The following TNFRSF21 variants were observed in gnomAD, a reference collection of about 807,000 sequenced individuals.
TNFRSF21 encodes the protein tumor necrosis factor receptor superfamily member 21.
Under a neutral mutation model 45.6 loss-of-function variants are expected in TNFRSF21, and 19 were observed. The ratio of observed to expected loss-of-function variants is 0.42; its 90% confidence interval spans 0.29 to 0.61. TNFRSF21 has a LOEUF of 0.61. Among genes scored for constraint, TNFRSF21 ranks in the 20% least tolerant of loss-of-function variants. TNFRSF21 has a pLI of 0.23. For missense variants in TNFRSF21, 737 were observed against 851.5 expected (o/e 0.87, Z 1.67); for synonymous variants, 314 against 335.5 (o/e 0.94, Z 0.70).
intron 1 of TNFRSF21, among the ~76,000 whole-genome samples, chr6:47,287,334 A>G (rs1012833843): frequency 2.1e-5 from 3 of 145,462 alleles, no homozygotes; most frequent in Non-Finnish European, 3.0e-5. Flanking sequence ...AAAAAAAAAA[A>G]GAAAAGAAAA....
At chr6:47,274,614 C>T (rs1421051010) in intron 3 of TNFRSF21, among the ~76,000 whole-genome samples, 1 of 152,120 alleles carries the variant, frequency 6.6e-6, no homozygotes, top group Non-Finnish European at 1.5e-5. Flanking sequence ...AAAGCAATGG[C>T]AACAAAAGCC....
At chr6:47,233,107 T>C (rs1330664716) in intron 5 of TNFRSF21, 113 bp from the exon 6 acceptor site, 5 of 872,072 alleles carry the variant, frequency 5.7e-6, no homozygotes, top group Non-Finnish European at 7.1e-6. Flanking sequence ...CCCCAGCCTA[T>C]TATTCTCCAT....
intron 1 of TNFRSF21, among the ~76,000 whole-genome samples, chr6:47,301,800 C>T (rs1346936344): frequency 6.6e-6 from 1 of 152,198 alleles, no homozygotes; most frequent in Non-Finnish European, 1.5e-5. Flanking sequence ...CTTGTACAGC[C>T]TGCAGAACCA....
intron 2 of TNFRSF21, among the ~76,000 whole-genome samples, chr6:47,285,490 G>A (rs992086839): frequency 2.0e-5 from 3 of 152,042 alleles, no homozygotes; most frequent in African/African-American, 4.8e-5. Flanking sequence ...TCTCGCTTCC[G>A]GATGTAATGG....
intron 2 of TNFRSF21, among the ~76,000 whole-genome samples, chr6:47,284,738 T>C (rs973113879): frequency 7.2e-5 from 11 of 152,210 alleles, no homozygotes; most frequent in African/African-American, 2.4e-4. Context: ...CAGGCACATA[T>C]ATGTGCAGAG....
chr6:47,273,524 T>C (rs1395847876), intron 3 of TNFRSF21, among the ~76,000 whole-genome samples: 1 of 151,984 alleles, frequency 6.6e-6, no homozygotes, highest in East Asian at 1.9e-4. Context: ...AAATAATAAG[T>C]GCTATTGATG....
intron 3 of TNFRSF21, among the ~76,000 whole-genome samples, chr6:47,267,393 C>G (rs981323581): frequency 1.3e-5 from 2 of 152,196 alleles, no homozygotes; most frequent in African/African-American, 4.8e-5. Context: ...AGTCACCGCA[C>G]CTGGCCTCAC....
At chr6:47,238,598 A>G (rs1003962739) in intron 4 of TNFRSF21, among the ~76,000 whole-genome samples, 1 of 152,216 alleles carries the variant, frequency 6.6e-6, no homozygotes, top group Non-Finnish European at 1.5e-5. Context: ...TTCCATGCAA[A>G]CACACTTAGT....
Position 47,284,357 on chromosome 6 carries a change from A to G in TNFRSF21, c.824T>C (p.Val275Ala), listed in dbSNP as rs749965492. The change falls in exon 3 of 6, where the codon GTC (valine) becomes GCC (alanine). Residue 275 changes from valine (V) to alanine (A), a missense_variant. Val to Ala is a moderately conservative substitution (Grantham distance 64). Transcript: ENST00000296861. ...KVLSSIQEGT[V>A]PDNTSSARGK... is the part of the protein sequence containing the mutation. Reference sequence around the variant, plus strand: ...CCTTGCTGAGCTTGTGTTGTCAGGGACTGTCCCTTCCTGGATGCTACTCAG... The same window carrying G: ...CCTTGCTGAGCTTGTGTTGTCAGGGGCTGTCCCTTCCTGGATGCTACTCAG... 1.3e-6 allele frequency: 2 copies of G among 1,571,164 alleles called. No homozygotes were observed. Among genetic ancestry groups the G allele is most frequent in the East Asian group, 2.2e-5 (1 of 44,636 alleles).
intron 3 of TNFRSF21, among the ~76,000 whole-genome samples, chr6:47,267,752 G>T (rs1762356729): frequency 6.6e-6 from 1 of 152,118 alleles, no homozygotes; most frequent in Non-Finnish European, 1.5e-5. Flanking sequence ...TGAGACACAG[G>T]CCTGGCACCA....
chr6:47,284,331 C>G lies in TNFRSF21; in HGVS notation c.850G>C (p.Gly284Arg). The G allele has an allele frequency of 1.9e-6, 3 of 1,594,176 alleles. No individual in the cohort carries two copies. The highest frequency in any genetic ancestry group is 2.6e-6 in the Non-Finnish European group (3 of 1,171,052). The change falls in exon 3 of 6, where the codon GGG becomes CGG. Residue 284 changes from glycine (G) to arginine (R), a missense_variant. Transcript: ENST00000296861. ...AGGGTCTTGTTCACGTCTTCCTTCC[C>G]CCTTGCTGAGCTTGTGTTGTCAGGG... ...TVPDNTSSAR[G>R]KEDVNKTLPN...
At chr6:47,272,513 G>A (rs553583356) in intron 3 of TNFRSF21, among the ~76,000 whole-genome samples, 1 of 152,318 alleles carries the variant, frequency 6.6e-6, no homozygotes, top group South Asian at 2.1e-4. Flanking sequence ...CACATTTAAA[G>A]CAGTGTGTAG....
chr6:47,273,215 A>C (rs1762452367), intron 3 of TNFRSF21, among the ~76,000 whole-genome samples: 1 of 152,222 alleles, frequency 6.6e-6, no homozygotes, highest in Admixed American at 6.5e-5. Flanking sequence ...CAACAAAAAA[A>C]GAGAATTTTA....
intron 2 of TNFRSF21, among the ~76,000 whole-genome samples, chr6:47,285,188 T>G (rs1256384888): frequency 1.3e-5 from 2 of 152,154 alleles, no homozygotes; most frequent in Admixed American, 6.5e-5. Flanking sequence ...AATGTAATCA[T>G]GCATGAGAGG....
intron 4 of TNFRSF21, 108 bp downstream of exon 4, chr6:47,253,148 G>T: frequency 7.6e-7 from 1 of 1,314,152 alleles, no homozygotes; most frequent in Non-Finnish European, 1.0e-6. Flanking sequence ...GTGTGTGTGT[G>T]CCTATCCACC....
Position 47,253,334 on chromosome 6 carries a change from C to T in TNFRSF21, c.1431G>A (p.Gln477=), listed in dbSNP as rs1340476089. ...GGTGCTGGCGCAGGGCGCTAATTAG[C>T]TGGGCGAGGCTGGCCTCGGGGCCCC... is the stretch of plus-strand genomic sequence containing the variant. ...TIRGPEASLA[Q]LISALRQHRR... is the part of the protein sequence containing the mutation. Residue 477 remains glutamine (Q), a synonymous_variant, in exon 4 of 6, where the codon CAG becomes CAA. Coordinates refer to ENST00000296861, the MANE Select transcript of TNFRSF21 (RefSeq NM_014452.5). The T allele has an allele frequency of 6.2e-7, 1 of 1,614,010 alleles. No homozygotes were observed. The highest frequency in any genetic ancestry group is 1.3e-5 in the African/African-American group (1 of 75,054).
intron 3 of TNFRSF21, among the ~76,000 whole-genome samples, chr6:47,277,533 T>C (rs1471991492): frequency 1.3e-5 from 2 of 152,164 alleles, no homozygotes; most frequent in Non-Finnish European, 1.5e-5. Context: ...CACACACTCA[T>C]GTATGTAATC....
intron 5 of TNFRSF21, among the ~76,000 whole-genome samples, chr6:47,234,203 C>G (rs1764628008): frequency 6.6e-6 from 1 of 152,118 alleles, no homozygotes. Context: ...TCTCTAACTC[C>G]TGGCTTCAAG....
rs1762343384 is a variant in TNFRSF21, at chr6:47,267,059, G to C, written c.1244-13538C>G. ...CCAGCCTCTAATATTGTTAGAGTCA[G>C]ACTACCCATGCCACAGTCTGATTTT... is the stretch of plus-strand genomic sequence containing the variant. On this transcript the variant is annotated intron_variant, in intron 3 of 5. Coordinates refer to ENST00000296861, the MANE Select transcript of TNFRSF21 (RefSeq NM_014452.5). Among the ~76,000 whole-genome samples, 3 of 151,298 alleles carry C rather than the reference G, an allele frequency of 2.0e-5. No individual in the cohort carries two copies. In the South Asian group the frequency reaches 6.3e-4, roughly 32 times the overall value.
Sources: gnomAD v4.1 joint callset for allele counts (sites outside exome capture counted in the v4.1 genomes callset) on GRCh38, gnomAD v4.1.1 for gene constraint, MANE v1.5 for transcripts, NCBI Gene and HGNC (gene_info 2026-07-23, HGNC 2026-07-21) for gene names.